CRACD: variants seen among roughly 807,000 people sequenced by gnomAD.
The protein encoded by CRACD is capping protein-inhibiting regulator of actin dynamics.
CRACD carries 56 observed loss-of-function variants against 106.8 expected under a neutral mutation model. The ratio of observed to expected loss-of-function variants is 0.52; its 90% confidence interval spans 0.42 to 0.66. The LOEUF is 0.66. CRACD is among the 30% of genes least tolerant of loss of function. The pLI is 0.00. For synonymous variants in CRACD, 754 were observed against 670.8 expected (o/e 1.12, Z -1.92); for missense variants, 1,730 against 1,623.2 (o/e 1.07, Z -1.13).
chr4:56,302,231 C>T (rs764517147), intron 4 of CRACD, among the ~76,000 whole-genome samples: 14 of 152,174 alleles, frequency 9.2e-5, no homozygotes, highest in Non-Finnish European at 2.1e-4. Flanking sequence ...TCAGAAGCTT[C>T]GCACTTCGTT....
chr4:56,195,979 T>C lies in CRACD; in HGVS notation c.-189+16549T>C, dbSNP rs1002648574. Among the ~76,000 whole-genome samples the C allele has an allele frequency of 6.4e-4, 97 of 152,318 alleles. 1 individual carries two copies. The highest frequency in any genetic ancestry group is 1.3e-4 in the Non-Finnish European group (9 of 68,022). On this transcript the variant is annotated intron_variant, in intron 2 of 10. Coordinates refer to ENST00000682029, the MANE Select transcript of CRACD (RefSeq NM_001393381.1). ...TAAGTAGTTTCATTCAGTATAAACA[T>C]TGCCTCTGTTAATACTAAAAAGGAA...
chr4:56,068,534 G>C (rs1732533859), intron 1 of CRACD, among the ~76,000 whole-genome samples: 1 of 152,190 alleles, frequency 6.6e-6, no homozygotes, highest in Non-Finnish European at 1.5e-5. Flanking sequence ...ATTGAAAATG[G>C]ACTTTAGGGG....
intron 2 of CRACD, among the ~76,000 whole-genome samples, chr4:56,224,620 G>T (rs1466474355): frequency 6.6e-6 from 1 of 152,164 alleles, no homozygotes; most frequent in African/African-American, 2.4e-5. Context: ...ATGTTGGCAT[G>T]GATGTGGTGA....
chr4:56,218,570 C>A (rs1301869462), intron 2 of CRACD, among the ~76,000 whole-genome samples: 1 of 138,148 alleles, frequency 7.2e-6, no homozygotes, highest in South Asian at 2.7e-4. Flanking sequence ...CTTCACTTCT[C>A]CCCTCCTTCC....
chr4:56,206,602 A>G (rs968904793), intron 2 of CRACD, among the ~76,000 whole-genome samples: 2 of 152,086 alleles, frequency 1.3e-5, no homozygotes, highest in Admixed American at 6.6e-5. Flanking sequence ...TCTGTTTTGG[A>G]CCTATTTGCT....
chr4:56,236,623 A>G (rs1043646596), intron 2 of CRACD, among the ~76,000 whole-genome samples: 1 of 152,118 alleles, frequency 6.6e-6, no homozygotes, highest in South Asian at 2.1e-4. Context: ...CGATGGCTCA[A>G]TGACATGAGA....
chr4:56,323,246 G>A, intron 8 of CRACD, 131 bp from the exon 9 acceptor site: 1 of 700,386 alleles, frequency 1.4e-6, no homozygotes, highest in South Asian at 2.2e-5. Flanking sequence ...CAGCACAGAG[G>A]TTGTGCTAGG....
At chr4:56,265,033 C>G (rs1577827631) in intron 2 of CRACD, among the ~76,000 whole-genome samples, 1 of 152,204 alleles carries the variant, frequency 6.6e-6, no homozygotes, top group Non-Finnish European at 1.5e-5. Context: ...TCTCAGTCCT[C>G]AGCCTTGTCA....
chr4:56,285,214 A>C (rs369222092), intron 3 of CRACD, among the ~76,000 whole-genome samples: 15 of 152,122 alleles, frequency 9.9e-5, no homozygotes, highest in South Asian at 2.1e-4. Flanking sequence ...ATCCACCCCC[A>C]TGATCCAATC....
At chr4:56,318,108 T>C (rs553577523) in intron 8 of CRACD, among the ~76,000 whole-genome samples, 1 of 152,220 alleles carries the variant, frequency 6.6e-6, no homozygotes, top group East Asian at 1.9e-4. Flanking sequence ...GGAGTGTTGG[T>C]CTGGTTACTT....
intron 2 of CRACD, among the ~76,000 whole-genome samples, chr4:56,227,816 C>T (rs139157216): frequency 6.6e-6 from 1 of 152,330 alleles, no homozygotes; most frequent in African/African-American, 2.4e-5. Flanking sequence ...TCTGGCAATA[C>T]ACACTGCCTT....
intron 4 of CRACD, 36 bp downstream of exon 4, chr4:56,298,385 G>A: frequency 6.2e-7 from 1 of 1,610,460 alleles, no homozygotes; most frequent in Non-Finnish European, 8.5e-7. Flanking sequence ...CGAGCCATAG[G>A]AGGGGCCCAG....
chr4:56,185,155 C>T (rs1737030997), intron 2 of CRACD, among the ~76,000 whole-genome samples: 1 of 152,164 alleles, frequency 6.6e-6, no homozygotes, highest in Admixed American at 6.5e-5. Context: ...GACAGGGTTT[C>T]ACTGTGTTAG....
chr4:56,251,552 A>G (rs966649725), intron 2 of CRACD, among the ~76,000 whole-genome samples: 1 of 152,246 alleles, frequency 6.6e-6, no homozygotes, highest in African/African-American at 2.4e-5. Context: ...GGTTATACTC[A>G]AAACCAAGTT....
At chr4:56,101,024 C>T (rs1441116971) in intron 1 of CRACD, among the ~76,000 whole-genome samples, 1 of 152,124 alleles carries the variant, frequency 6.6e-6, no homozygotes, top group Non-Finnish European at 1.5e-5. Flanking sequence ...GCCAGACCCC[C>T]AGTTGAGGTG....
At chr4:56,069,980 T>G (rs1164657646) in intron 1 of CRACD, among the ~76,000 whole-genome samples, 3 of 152,230 alleles carry the variant, frequency 2.0e-5, no homozygotes, top group Admixed American at 6.5e-5. Context: ...TATTGGTTAA[T>G]AGCTATTTCC....
At chr4:56,184,351 G>A (rs1301973088) in intron 2 of CRACD, among the ~76,000 whole-genome samples, 6 of 152,230 alleles carry the variant, frequency 3.9e-5, no homozygotes, top group South Asian at 2.1e-4. Flanking sequence ...GTTTATAGGC[G>A]TGAGCCACCA....
chr4:56,156,450 C>T (rs1172608956), intron 1 of CRACD, among the ~76,000 whole-genome samples: 1 of 152,188 alleles, frequency 6.6e-6, no homozygotes, highest in Non-Finnish European at 1.5e-5. Flanking sequence ...GCTCTGGGCT[C>T]AGTTTTCTTC....
chr4:56,231,240 A>AT (rs956443702), intron 2 of CRACD, among the ~76,000 whole-genome samples: 6 of 152,216 alleles, frequency 3.9e-5, no homozygotes, highest in African/African-American at 9.6e-5. Flanking sequence ...TAGAATATAG[A>AT]TTTTTTTCTA....
Sources: allele counts gnomAD v4.1 joint callset (sites outside exome capture counted in the v4.1 genomes callset), GRCh38; gene constraint gnomAD v4.1.1; transcripts MANE v1.5; gene names NCBI Gene and HGNC (gene_info 2026-07-23, HGNC 2026-07-21).